Variants in GABRA1 observed in about 807,000 individuals in gnomAD.
GABRA1 encodes gamma-aminobutyric acid receptor subunit alpha-1.
In GABRA1, 9 loss-of-function variants were observed where a neutral mutation model predicts 48.9. The observed-to-expected ratio is 0.18, with a 90% CI of 0.11 to 0.32. GABRA1 has a LOEUF of 0.32. Among genes scored for constraint, GABRA1 ranks in the 10% least tolerant of loss-of-function variants. The pLI is 1.00. For missense variants in GABRA1, 285 were observed against 553.8 expected, an observed-to-expected ratio of 0.51 and a Z score of 4.87; for synonymous variants, 210 against 198.7, an observed-to-expected ratio of 1.06 and a Z score of -0.48.
intron 6 of GABRA1, among the ~76,000 whole-genome samples, 182 bp downstream of exon 6, chr5:161,875,824 C>G (rs528923119): frequency 3.7e-4 from 57 of 152,222 alleles, no homozygotes; most frequent in African/African-American, 1.3e-3. Context: ...CAAGAGAGAG[C>G]TTATTCTTTA....
At position 161,868,236 on chromosome 5, in the gene GABRA1, G is replaced by C. The variant is rs185929766; in HGVS notation, c.255+2448G>C. ...AGACAAGTAGATTTGCAGAGATTAG[G>C]CACCAGAATCAACCAGATTAACCCA... On this transcript the variant is annotated intron_variant, in intron 4 of 9. Coordinates refer to ENST00000393943, the MANE Select transcript of GABRA1 (RefSeq NM_001127644.2). 3.9e-5 allele frequency among the ~76,000 whole-genome samples: 6 copies of C among 152,114 alleles called. No individual in the cohort carries two copies. In the East Asian group the frequency reaches 9.7e-4, roughly 25 times the overall value.
intron 3 of GABRA1, among the ~76,000 whole-genome samples, chr5:161,854,781 T>A (rs1282765515): frequency 6.6e-6 from 1 of 151,670 alleles, no homozygotes; most frequent in African/African-American, 2.4e-5. Flanking sequence ...GCATTTGAAC[T>A]TATACCCTAA....
chr5:161,888,212 T>A (rs1754934455), intron 7 of GABRA1, among the ~76,000 whole-genome samples: 1 of 152,168 alleles, frequency 6.6e-6, no homozygotes, highest in Admixed American at 6.6e-5. Context: ...GCACTTGATG[T>A]CTAGACGTAT....
intron 6 of GABRA1, among the ~76,000 whole-genome samples, chr5:161,877,904 C>A (rs1490918383): frequency 3.9e-5 from 6 of 152,160 alleles, no homozygotes; most frequent in Non-Finnish European, 7.4e-5. Flanking sequence ...GCATAAATGT[C>A]ATCTCCCAGG....
intron 2 of GABRA1, chr5:161,853,699 A>G (rs1249568977): frequency 6.5e-6 from 1 of 154,804 alleles, no homozygotes; most frequent in Non-Finnish European, 1.4e-5. Flanking sequence ...ACACAGACCT[A>G]TATGAAGTGA....
chr5:161,895,578 A>G, intron 8 of GABRA1, 88 bp from the exon 9 acceptor site: 2 of 1,195,802 alleles, frequency 1.7e-6, no homozygotes, highest in South Asian at 2.5e-5. Context: ...GATACTGTTG[A>G]TTTCCTTTTG....
chr5:161,870,568 GAA>G (rs748877866), intron 4 of GABRA1, among the ~76,000 whole-genome samples: 4 of 60,396 alleles, frequency 6.6e-5, no homozygotes, highest in African/African-American at 1.3e-4. Flanking sequence ...AACTCCTTCA[GAA>G]AAAAAAAAAA....
At chr5:161,872,198 T>C (rs1279655350) in intron 4 of GABRA1, 7 of 152,762 alleles carry the variant, frequency 4.6e-5, no homozygotes, top group Non-Finnish European at 7.3e-5. Flanking sequence ...TTTCAAACCA[T>C]TGAGCTCCAA....
chr5:161,877,278 T>TA (rs975067629), intron 6 of GABRA1, among the ~76,000 whole-genome samples: 2 of 152,112 alleles, frequency 1.3e-5, no homozygotes, highest in African/African-American at 4.8e-5. Flanking sequence ...CCTTTTATCT[T>TA]AAAAAATCCT....
At chr5:161,857,305 T>C (rs1234626111) in intron 3 of GABRA1, among the ~76,000 whole-genome samples, 2 of 151,508 alleles carry the variant, frequency 1.3e-5, no homozygotes, top group East Asian at 3.9e-4. Context: ...TAGAAAAATG[T>C]GATAAGCTGA....
chr5:161,894,891 A>C (rs1188045593), intron 8 of GABRA1, among the ~76,000 whole-genome samples: 1 of 145,354 alleles, frequency 6.9e-6, no homozygotes, highest in Non-Finnish European at 1.5e-5. Context: ...AGAGTAGGAA[A>C]GATGAGGCAG....
In GABRA1 at chr5:161,870,455, G is replaced by A. The variant is rs10068180; in HGVS notation, c.256-2662G>A. On this transcript the variant is annotated intron_variant, in intron 4 of 9. Transcript: ENST00000393943. ...GCATGCCTGTAAATCCCAGCTACTCGGGAGGCTGAGACTGAGCCAGGAGAA... is the reference window on the plus strand; with the variant it reads ...GCATGCCTGTAAATCCCAGCTACTCAGGAGGCTGAGACTGAGCCAGGAGAA... Among the ~76,000 whole-genome samples the A allele has an allele frequency of 4.3e-3, 646 of 151,800 alleles. 6 individuals are homozygous for A. The highest frequency in any genetic ancestry group is 0.015 in the African/African-American group (623 of 41,408).
In GABRA1 at chr5:161,848,440, C is replaced by G. The variant is rs978912528; in HGVS notation, c.-16+18C>G. On this transcript the variant is annotated intron_variant, in intron 1 of 9. Coordinates refer to ENST00000393943, the MANE Select transcript of GABRA1 (RefSeq NM_001127644.2). ...GGCCTTAGGTAAGTGCGACTTTGGA[C>G]CACGATACACAGACAGAGCTTTGAA... 6.8e-6 allele frequency: 1 copy of G among 146,910 alleles called. No homozygotes were observed. Among genetic ancestry groups the G allele is most frequent in the African/African-American group, 2.6e-5 (1 of 39,116 alleles). The allele number at this position is 146,910 out of a possible 1,614,324, so 9.1% of individuals were successfully genotyped here. A position where few individuals can be genotyped will look rare whatever the true frequency, so the allele number is the denominator to read the frequency against.
chr5:161,893,048 T>TAATAAAAAAA (rs5872733), intron 8 of GABRA1, among the ~76,000 whole-genome samples: 5 of 141,992 alleles, frequency 3.5e-5, no homozygotes, highest in South Asian at 2.2e-4. Flanking sequence ...ATAATAATAA[T>TAATAAAAAAA]AAAATAAACA....
At chr5:161,883,077 G>A (rs1464610315) in intron 7 of GABRA1, among the ~76,000 whole-genome samples, 2 of 152,098 alleles carry the variant, frequency 1.3e-5, no homozygotes, top group Non-Finnish European at 2.9e-5. Context: ...TTCTTAAAGA[G>A]TACTTATCAC....
At chr5:161,870,936 G>A (rs868858008) in intron 4 of GABRA1, among the ~76,000 whole-genome samples, 36 of 148,584 alleles carry the variant, frequency 2.4e-4, no homozygotes, top group Non-Finnish European at 3.7e-4. Flanking sequence ...ATTAACCAGC[G>A]AGTGTTGCTC....
At chr5:161,894,445 TCTC>T (rs1305744067) in intron 8 of GABRA1, among the ~76,000 whole-genome samples, 3 of 152,114 alleles carry the variant, frequency 2.0e-5, no homozygotes, top group Non-Finnish European at 4.4e-5. Flanking sequence ...AAAATGTCCT[TCTC>T]CTAGAATTTC....
At chr5:161,864,445 T>C (rs1361004410) in intron 3 of GABRA1, among the ~76,000 whole-genome samples, 1 of 152,028 alleles carries the variant, frequency 6.6e-6, no homozygotes, top group Non-Finnish European at 1.5e-5. Flanking sequence ...CATGACCTTC[T>C]AGGGATAAAT....
At chr5:161,875,164 C>A (rs1173935272) in intron 5 of GABRA1, among the ~76,000 whole-genome samples, 1 of 152,140 alleles carries the variant, frequency 6.6e-6, no homozygotes, top group Non-Finnish European at 1.5e-5. Context: ...AGGAGAAATT[C>A]TCTTCTCTTC....
Sources: gnomAD v4.1 joint callset for allele counts (sites outside exome capture counted in the v4.1 genomes callset) on GRCh38, gnomAD v4.1.1 for gene constraint, MANE v1.5 for transcripts, NCBI Gene and HGNC (gene_info 2026-07-23, HGNC 2026-07-21) for gene names.